Variants in RBFA observed in about 807,000 individuals in gnomAD.
The protein encoded by RBFA is ribosome binding factor A, also known as putative ribosome-binding factor A, mitochondrial.
In RBFA, 16 loss-of-function variants were observed where a neutral mutation model predicts 27.9. The ratio of observed to expected loss-of-function variants is 0.57; its 90% CI spans 0.39 to 0.87. The LOEUF (loss-of-function observed/expected upper bound fraction) is 0.87, where lower values mean the gene tolerates loss of function less well. Among genes scored for constraint, RBFA ranks in the 40% least tolerant of loss-of-function variants. The pLI is 0.00. For missense variants in RBFA, 456 were observed against 432.1 expected (o/e 1.06, Z -0.49); for synonymous variants, 181 against 181.0 (o/e 1.00, Z 0.00).
Position 80,046,216 on chromosome 18 carries a change from G to A in RBFA, c.*61G>A. The A allele has an allele frequency of 2.6e-6, 4 of 1,548,270 alleles. No homozygotes were observed. Among genetic ancestry groups the A allele is most frequent in the Non-Finnish European group, 3.5e-6 (4 of 1,143,530 alleles). On this transcript the variant is annotated 3_prime_UTR_variant, in exon 7 of 7. Transcript: ENST00000306735. Reference sequence around the variant, plus strand: ...AAAGCATTGGCACGCAACGCAGCATGTGGCTTCATTGAGGCAGTTGATGGA... The same window carrying A: ...AAAGCATTGGCACGCAACGCAGCATATGGCTTCATTGAGGCAGTTGATGGA...
Position 80,034,562 on chromosome 18 carries a change from G to A in RBFA, c.67G>A (p.Asp23Asn). ...TCTCCGGGCCCTGTTCCGTAGCCGC[G>A]ATGCTGCGCTATTTCCAGGCTGCGA... Reference protein sequence around the residue: ...AGLRALFRSRDAALFPGCERG... With the variant: ...AGLRALFRSRNAALFPGCERG... The change falls in exon 1 of 7, where the codon GAT becomes AAT. Residue 23 changes from aspartate (D) to asparagine (N), a missense_variant. Physicochemically the swap from Asp to Asn is conservative, Grantham distance 23. Coordinates refer to ENST00000306735, the MANE Select transcript of RBFA (RefSeq NM_024805.3). 2 of 1,608,712 alleles carry A rather than the reference G, an allele frequency of 1.2e-6. No individual in the cohort carries two copies. Among genetic ancestry groups the A allele is most frequent in the South Asian group, 2.2e-5 (2 of 90,564 alleles).
intron 5 of RBFA, among the ~76,000 whole-genome samples, chr18:80,042,983 T>A (rs951037223): frequency 1.3e-5 from 2 of 152,320 alleles, no homozygotes; most frequent in Non-Finnish European, 2.9e-5. Flanking sequence ...CTCCCACGCC[T>A]GTCTCCCCCT....
In RBFA at chr18:80,045,684, G is replaced by A. The variant is rs960204532; in HGVS notation, c.651-90G>A. The A allele has an allele frequency of 6.4e-6, 9 of 1,400,932 alleles. No homozygotes were observed. The African/African-American group carries it at 1.3e-4, about 20-fold the overall frequency. 86.8% of individuals were successfully genotyped at this position (1,400,932 alleles called of 1,614,324 possible). A position where few individuals can be genotyped will look rare whatever the true frequency, so the allele number is the denominator to read the frequency against. On this transcript the variant is annotated intron_variant, in intron 6 of 6. Coordinates refer to ENST00000306735, the MANE Select transcript of RBFA (RefSeq NM_024805.3). The stretch of plus-strand genomic sequence containing the variant: ...AGGGTTCTCAGGCGAGTAGATGTAG[G>A]AAGTGTGATGTGCTGTTGTGTTGTG...
In RBFA at chr18:80,048,057, T is replaced by G. The variant is rs2052068574; in HGVS notation, c.*1902T>G. 6.6e-6 allele frequency: 1 copy of G among 152,238 alleles called. No individual in the cohort carries two copies. The highest frequency in any genetic ancestry group is 1.5e-5 in the Non-Finnish European group (1 of 68,036). 9.4% of individuals were successfully genotyped at this position (152,238 alleles called of 1,614,324 possible). On this transcript the variant is annotated 3_prime_UTR_variant, in exon 7 of 7. Transcript: ENST00000306735. ...GACCTCCCCATCCTGATGTAGGAAA[T>G]GAATGGTGATGATTTACGAGCGCAA... is the stretch of plus-strand genomic sequence containing the variant.
At chr18:80,036,915 CT>C (rs1430350639) in intron 2 of RBFA, among the ~76,000 whole-genome samples, 1 of 152,130 alleles carries the variant, frequency 6.6e-6, no homozygotes, top group African/African-American at 2.4e-5. Flanking sequence ...AAAGTCATAT[CT>C]TTTATCAAAT....
Position 80,046,478 on chromosome 18 carries a change from C to CG in RBFA, c.*324dup. On this transcript the variant is annotated 3_prime_UTR_variant, in exon 7 of 7. Coordinates refer to ENST00000306735, the MANE Select transcript of RBFA (RefSeq NM_024805.3). Reference sequence around the variant, plus strand: ...GCCAGGTGCCAGTGAGTGCTTGGCCCGAGGGGTCAGGCCACAGCAGTGGCC... The same window carrying CG: ...GCCAGGTGCCAGTGAGTGCTTGGCCCGGAGGGGTCAGGCCACAGCAGTGGCC... 1 of 314,286 alleles carries CG rather than the reference C, an allele frequency of 3.2e-6. No individual in the cohort carries two copies. Among genetic ancestry groups the CG allele is most frequent in the South Asian group, 3.0e-5 (1 of 32,946 alleles). The allele number at this position is 314,286 out of a possible 1,614,324, so 19.5% of individuals were successfully genotyped here. A position where few individuals can be genotyped will look rare whatever the true frequency, so the allele number is the denominator to read the frequency against.
chr18:80,042,260 T>A (rs1465138376), intron 5 of RBFA, 41 bp downstream of exon 5: 24 of 1,370,636 alleles, frequency 1.8e-5, no homozygotes, highest in Admixed American at 2.1e-5. Flanking sequence ...TAAAAATTTT[T>A]ATTTTTTTAA....
chr18:80,037,333 T>TA lies in RBFA; in HGVS notation c.206dup (p.Tyr69Ter), dbSNP rs760031588. Residue 69 changes from tyrosine to a stop codon, truncating the protein, a stop_gained and frameshift_variant, in exon 3 of 7, where the codon TAC becomes TAAC. Transcript: ENST00000306735. LOFTEE classifies it high-confidence loss of function. ...ESPSLGSHST[Y>*]KPSKLEFLMR... is the part of the protein sequence containing the mutation. ...TGTGCTCTTCTTCCTGATGGAGACT[T>TA]ACAAACCATCCAAGTTGGAATTCCT... 10 of 1,613,472 alleles carry TA rather than the reference T, an allele frequency of 6.2e-6. No homozygotes were observed. The highest frequency in any genetic ancestry group is 8.5e-6 in the Non-Finnish European group (10 of 1,179,862).
At position 80,040,239 on chromosome 18, in the gene RBFA, A is replaced by ATTTTTTTTTTTTTTTT. The variant is rs71338083; in HGVS notation, c.491+1626_491+1641dup. On this transcript the variant is annotated intron_variant, in intron 4 of 6. Coordinates refer to ENST00000306735, the MANE Select transcript of RBFA (RefSeq NM_024805.3). Reference sequence around the variant, plus strand: ...TCCAACACATAACTGGGAGGCCTGAATTTTTTTTTTTTTTTTTTTGCTTTT... The same window carrying ATTTTTTTTTTTTTTTT: ...TCCAACACATAACTGGGAGGCCTGAATTTTTTTTTTTTTTTTTTTTTTTTTTTTTTTTTTTGCTTTT... Among the ~76,000 whole-genome samples the ATTTTTTTTTTTTTTTT allele has an allele frequency of 3.4e-3, 313 of 91,392 alleles. 2 individuals are homozygous for ATTTTTTTTTTTTTTTT. Among genetic ancestry groups the ATTTTTTTTTTTTTTTT allele is most frequent in the Middle Eastern group, 8.8e-3 (1 of 114 alleles). The allele number at this position is 91,392 out of a possible 152,430, so 60.0% of individuals were successfully genotyped here. A position where few individuals can be genotyped will look rare whatever the true frequency, so the allele number is the denominator to read the frequency against.
chr18:80,044,809 G>A (rs11665551), intron 6 of RBFA, among the ~76,000 whole-genome samples: 36,295 of 152,248 alleles, frequency 0.24, 5,648 homozygotes, highest in Non-Finnish European at 0.35. Flanking sequence ...AGGTCTTGGG[G>A]TGTTTGTGGG....
In RBFA at chr18:80,048,712, T is replaced by A. The variant is rs10853396; in HGVS notation, c.*2557T>A. Reference sequence around the variant, plus strand: ...TTGTTCTCATTTTCCAAATAAGGAATCTGAGGCCCAGGGAGAGGTGAAGTG... The same window carrying A: ...TTGTTCTCATTTTCCAAATAAGGAAACTGAGGCCCAGGGAGAGGTGAAGTG... On this transcript the variant is annotated 3_prime_UTR_variant, in exon 7 of 7. Transcript: ENST00000306735. 0.64 allele frequency among the ~76,000 whole-genome samples: 96,322 copies of A among 150,806 alleles called. 31,465 individuals are homozygous for A. The highest frequency in any genetic ancestry group is 0.71 in the Non-Finnish European group (48,223 of 67,544).
chr18:80,042,961 G>A (rs2052026443), intron 5 of RBFA, among the ~76,000 whole-genome samples: 1 of 152,056 alleles, frequency 6.6e-6, no homozygotes, highest in African/African-American at 2.4e-5. Context: ...ACTCAACACG[G>A]CCAGAGTTGC....
Position 80,046,328 on chromosome 18 carries a change from T to C in RBFA, c.*173T>C. On this transcript the variant is annotated 3_prime_UTR_variant, in exon 7 of 7. Transcript: ENST00000306735. ...AATTTGCTACACAAGTCACTGTTTT[T>C]TTTTCCATGCACTGTGTGTAATTTA... 1.4e-6 allele frequency: 1 copy of C among 712,430 alleles called. No homozygotes were observed. Among genetic ancestry groups the C allele is most frequent in the South Asian group, 2.0e-5 (1 of 50,626 alleles). 44.1% of individuals were successfully genotyped at this position (712,430 alleles called of 1,614,324 possible).
At chr18:80,040,936 T>A (rs1196701172) in intron 4 of RBFA, among the ~76,000 whole-genome samples, 5 of 152,178 alleles carry the variant, frequency 3.3e-5, no homozygotes, top group Non-Finnish European at 7.3e-5. Context: ...AGTTTCCTCC[T>A]CAGTTTTAAA....
In RBFA at chr18:80,046,298, AAC is replaced by A. The variant is rs1487271253; in HGVS notation, c.*147_*148del. On this transcript the variant is annotated 3_prime_UTR_variant, in exon 7 of 7. Coordinates refer to ENST00000306735, the MANE Select transcript of RBFA (RefSeq NM_024805.3). Reference sequence around the variant, plus strand: ...ATTTTCTAGCTTTTCCGTGTATCTAAACACAATTTGCTACACAAGTCACTGTT... The same window carrying A: ...ATTTTCTAGCTTTTCCGTGTATCTAAACAATTTGCTACACAAGTCACTGTT... The A allele has an allele frequency of 2.1e-6, 2 of 953,996 alleles. No homozygotes were observed. Among genetic ancestry groups the A allele is most frequent in the Non-Finnish European group, 3.1e-6 (2 of 649,070 alleles). The allele number at this position is 953,996 out of a possible 1,614,324, so 59.1% of individuals were successfully genotyped here.
chr18:80,036,346 T>C (rs964701303), intron 1 of RBFA, among the ~76,000 whole-genome samples: 1 of 152,196 alleles, frequency 6.6e-6, no homozygotes, highest in Non-Finnish European at 1.5e-5. Context: ...TTACTTGAAC[T>C]TCCATGGGAA....
chr18:80,044,155 T>C (rs2052034615), intron 5 of RBFA, 57 bp from the exon 6 acceptor site: 1 of 1,434,018 alleles, frequency 7.0e-7, no homozygotes, highest in African/African-American at 1.4e-5. Context: ...GGAGCCCGGC[T>C]GTAAGTATGG....
rs573061718 is a variant in RBFA, at chr18:80,044,891, G to A, written c.650+606G>A. ...GGCCTTAGACAGCAGCGTCAACATC[G>A]CCTGGCACCTGCCAGAGTCGGGTTT... On this transcript the variant is annotated intron_variant, in intron 6 of 6. Transcript: ENST00000306735. 2.6e-5 allele frequency among the ~76,000 whole-genome samples: 4 copies of A among 152,332 alleles called. No homozygotes were observed. The South Asian group carries it at 6.2e-4, about 24-fold the overall frequency.
In RBFA at chr18:80,044,282, T is replaced by C. The variant is rs1029629250; in HGVS notation, c.647T>C (p.Phe216Ser). The change falls in exon 6 of 7, where the codon TTC (phenylalanine) becomes TCC (serine). Residue 216 changes from phenylalanine to serine, a missense_variant. Physicochemically the swap from Phe to Ser is radical, Grantham distance 155. Coordinates refer to ENST00000306735, the MANE Select transcript of RBFA (RefSeq NM_024805.3). ...DERDNFVQND[F>S]RDPDAPQPCG... ...AGAGACAACTTTGTACAAAATGATT[T>C]CAGGTGACGCATGTGGACATATGTT... 1 of 1,613,810 alleles carries C rather than the reference T, an allele frequency of 6.2e-7. No individual in the cohort carries two copies. The highest frequency in any genetic ancestry group is 8.5e-7 in the Non-Finnish European group (1 of 1,179,642).
Sources: gnomAD v4.1 joint callset for allele counts (sites outside exome capture counted in the v4.1 genomes callset) on GRCh38, gnomAD v4.1.1 for gene constraint, MANE v1.5 for transcripts, NCBI Gene and HGNC (gene_info 2026-07-23, HGNC 2026-07-21) for gene names.